The following TNPO2 variants were observed in gnomAD, a reference collection of about 807,000 sequenced individuals.
TNPO2 encodes the protein transportin-2.
Under a neutral mutation model 111.1 loss-of-function variants are expected in TNPO2, and 16 were observed. The ratio of observed to expected loss-of-function variants is 0.14; its 90% CI spans 0.10 to 0.22. The LOEUF (loss-of-function observed/expected upper bound fraction) is 0.22. Among genes scored for constraint, TNPO2 ranks in the 10% least tolerant of loss-of-function variants. The probability of loss-of-function intolerance (pLI) is 1.00; values close to 1 mark genes in which losing one functional copy is unlikely to be tolerated. For missense variants in TNPO2, 530 were observed against 1,173.7 expected, an observed-to-expected ratio of 0.45 and a Z score of 8.01; for synonymous variants, 481 against 475.8, an observed-to-expected ratio of 1.01 and a Z score of -0.14.
intron 13 of TNPO2, among the ~76,000 whole-genome samples, chr19:12,710,242 T>C (rs1364424273): frequency 6.6e-6 from 1 of 152,184 alleles, no homozygotes; most frequent in African/African-American, 2.4e-5. Context: ...TCAATCTTTC[T>C]GTACCTCAGT....
At chr19:12,713,945 G>C (rs1172118515) in intron 10 of TNPO2, among the ~76,000 whole-genome samples, 3 of 151,966 alleles carry the variant, frequency 2.0e-5, no homozygotes, top group African/African-American at 7.3e-5. Context: ...TAGGAGGATT[G>C]CTTCAGCTGG....
chr19:12,711,530 A>G (rs942667693), intron 11 of TNPO2, 23 bp downstream of exon 11: 2 of 1,613,768 alleles, frequency 1.2e-6, no homozygotes, highest in African/African-American at 2.7e-5. Flanking sequence ...ATGCCCACCC[A>G]TGCTGGGTGG....
Position 12,705,919 on chromosome 19 carries a change from ATTC to A in TNPO2, c.1669-154_1669-152del. On this transcript the variant is annotated intron_variant, in intron 15 of 25. Coordinates refer to ENST00000425528, the MANE Select transcript of TNPO2 (RefSeq NM_001382241.1). This position sits in a 1 kb window ranked among gnomAD's most constrained non-coding sequence, Gnocchi z 7.2. ...CATCTGGCCAGACCTCGAGGCCTTC[ATTC>A]TTCTCACCTGTCCAAGCACCGCCCG... is the stretch of plus-strand genomic sequence containing the variant. 1 of 700,042 alleles carries A rather than the reference ATTC, an allele frequency of 1.4e-6. No homozygotes were observed. Among genetic ancestry groups the A allele is most frequent in the South Asian group, 2.0e-5 (1 of 50,576 alleles). The allele number at this position is 700,042 out of a possible 1,614,324, so 43.4% of individuals were successfully genotyped here.
At chr19:12,703,013 A>T (rs1599405968) in intron 20 of TNPO2, 95 bp from the exon 21 acceptor site, 1 of 1,101,992 alleles carries the variant, frequency 9.1e-7, no homozygotes, top group Non-Finnish European at 1.3e-6. Flanking sequence ...CCCAGTTCCA[A>T]CTAGAGACTG....
Position 12,705,406 on chromosome 19 carries a change from C to T in TNPO2, c.1864-8G>A. ...AGGGTGCTGGGTGTACATCTAGACA[C>T]AGATGCCGACAGGGGCACGGGTAAG... On this transcript the variant is annotated splice_polypyrimidine_tract_variant and splice_region_variant and intron_variant, in intron 17 of 25. Coordinates refer to ENST00000425528, the MANE Select transcript of TNPO2 (RefSeq NM_001382241.1). The surrounding 1 kb of genome is among the most constrained non-coding windows in gnomAD (Gnocchi z 7.2). 2 of 1,579,214 alleles carry T rather than the reference C, an allele frequency of 1.3e-6. No homozygotes were observed. Among genetic ancestry groups the T allele is most frequent in the Non-Finnish European group, 1.7e-6 (2 of 1,162,810 alleles).
rs923175193 is a variant in TNPO2, at chr19:12,699,621, T to C, written c.*1643A>G. ...CCCAGCAGAGGATGCTTCAAAGAACTGGAATTACCAGAAAATTAAAAGGTA... is the reference window on the plus strand; with the variant it reads ...CCCAGCAGAGGATGCTTCAAAGAACCGGAATTACCAGAAAATTAAAAGGTA... On this transcript the variant is annotated 3_prime_UTR_variant, in exon 26 of 26. Coordinates refer to ENST00000425528, the MANE Select transcript of TNPO2 (RefSeq NM_001382241.1). The C allele has an allele frequency of 6.6e-6, 1 of 151,596 alleles. No individual in the cohort carries two copies. Among genetic ancestry groups the C allele is most frequent in the African/African-American group, 2.4e-5 (1 of 41,232 alleles). 9.4% of individuals were successfully genotyped at this position (151,596 alleles called of 1,614,324 possible).
rs914162524 is a variant in TNPO2 at position 12,703,936 on chromosome 19, C to T, written c.2023-135G>A. Reference sequence around the variant, plus strand: ...AGAGCTCCTAGCTGTTCCTTAACCTCCCTAGCCTCCAGCCCACATCTGCAA... The same window carrying T: ...AGAGCTCCTAGCTGTTCCTTAACCTTCCTAGCCTCCAGCCCACATCTGCAA... On this transcript the variant is annotated intron_variant, in intron 18 of 25. Coordinates refer to ENST00000425528, the MANE Select transcript of TNPO2 (RefSeq NM_001382241.1). The T allele has an allele frequency of 8.1e-6, 6 of 737,720 alleles. No individual in the cohort carries two copies. In the East Asian group the frequency reaches 1.6e-4, roughly 20 times the overall value. 45.7% of individuals were successfully genotyped at this position (737,720 alleles called of 1,614,324 possible).
At chr19:12,707,637 C>T (rs1412458116) in intron 13 of TNPO2, among the ~76,000 whole-genome samples, 5 of 149,008 alleles carry the variant, frequency 3.4e-5, no homozygotes, top group African/African-American at 9.9e-5. Flanking sequence ...TGCAGGCGCC[C>T]GCCACCATAC....
chr19:12,700,859 C>T lies in TNPO2; in HGVS notation c.*405G>A, dbSNP rs566025726. ...GCACATGCGTGTGGCCATGTGTGTC[C>T]GTGTGAGTGTACGCGTCCCTACGAG... On this transcript the variant is annotated 3_prime_UTR_variant, in exon 26 of 26. Coordinates refer to ENST00000425528, the MANE Select transcript of TNPO2 (RefSeq NM_001382241.1). 79 of 163,078 alleles carry T rather than the reference C, an allele frequency of 4.8e-4. No individual in the cohort carries two copies. The highest frequency in any genetic ancestry group is 1.8e-3 in the African/African-American group (74 of 41,736). The allele number at this position is 163,078 out of a possible 1,614,324, so 10.1% of individuals were successfully genotyped here. A position where few individuals can be genotyped will look rare whatever the true frequency, so the allele number is the denominator to read the frequency against.
At chr19:12,718,352 A>C (rs1333725306) in intron 5 of TNPO2, among the ~76,000 whole-genome samples, 1 of 152,142 alleles carries the variant, frequency 6.6e-6, no homozygotes, top group Non-Finnish European at 1.5e-5. Context: ...TTTTTAGTAG[A>C]GATGGGGTTT....
At position 12,715,796 on chromosome 19, in the gene TNPO2, C is replaced by A. The variant is rs528972237; in HGVS notation, c.326-57G>T. The A allele has an allele frequency of 4.6e-5, 64 of 1,386,602 alleles. No homozygotes were observed. In the East Asian group the frequency reaches 1.5e-3, roughly 33 times the overall value. The allele number at this position is 1,386,602 out of a possible 1,614,324, so 85.9% of individuals were successfully genotyped here. A position where few individuals can be genotyped will look rare whatever the true frequency, so the allele number is the denominator to read the frequency against. ...GCTGGGCAGGGGCTGCCTAGCACCT[C>A]CCCCTCCCACTGGACACCCCCAGTG... On this transcript the variant is annotated intron_variant, in intron 5 of 25. Coordinates refer to ENST00000425528, the MANE Select transcript of TNPO2 (RefSeq NM_001382241.1). The surrounding 1 kb of genome is among the most constrained non-coding windows in gnomAD (Gnocchi z 7.1).
chr19:12,710,916 C>T lies in TNPO2; in HGVS notation c.1118-143G>A, dbSNP rs114063676. 1,674 of 980,608 alleles carry T rather than the reference C, an allele frequency of 1.7e-3. 25 individuals carry two copies. In the African/African-American group the frequency reaches 0.025, roughly 15 times the overall value. The allele number at this position is 980,608 out of a possible 1,614,324, so 60.7% of individuals were successfully genotyped here. A position where few individuals can be genotyped will look rare whatever the true frequency, so the allele number is the denominator to read the frequency against. ...TTTTTTTTGTTTTGTTTTTTTGAGA[C>T]GGAGTCTCACTTTTTCCGCCCAGGC... On this transcript the variant is annotated intron_variant, in intron 12 of 25. Coordinates refer to ENST00000425528, the MANE Select transcript of TNPO2 (RefSeq NM_001382241.1).
Position 12,702,814 on chromosome 19 carries a change from G to A in TNPO2, c.2305+9C>T. 1 of 1,613,444 alleles carries A rather than the reference G, an allele frequency of 6.2e-7. No homozygotes were observed. The highest frequency in any genetic ancestry group is 1.1e-5 in the South Asian group (1 of 91,072). On this transcript the variant is annotated intron_variant, in intron 21 of 25. Coordinates refer to ENST00000425528, the MANE Select transcript of TNPO2 (RefSeq NM_001382241.1). This position sits in a 1 kb window ranked among gnomAD's most constrained non-coding sequence, Gnocchi z 5.5. ...AGGGGTGCAGGCAGCAGCCGGGCCA[G>A]GTGCCCACCTGTGTTTTCCAGCAGT...
rs561340200 is a variant in TNPO2 at position 12,701,755 on chromosome 19, C to T, written c.2508G>A (p.Val836=). The change falls in exon 23 of 26, where the codon GTG becomes GTA. Residue 836 remains valine, a synonymous_variant. Transcript: ENST00000425528. The surrounding 1 kb of genome is among the most constrained non-coding windows in gnomAD (Gnocchi z 5.0). ...CTCAGAGCCCAGCTGCCCCAACCTG[C>T]ACAACGCCCCCCGGGTTGACACCGA... ...MMIGVNPGGV[V]QDFIFFCDAV... is the part of the protein sequence containing the mutation. The T allele has an allele frequency of 2.1e-5, 34 of 1,613,802 alleles. No individual in the cohort carries two copies. Among genetic ancestry groups the T allele is most frequent in the Non-Finnish European group, 2.9e-5 (34 of 1,179,812 alleles).
In TNPO2 at chr19:12,715,194, G is replaced by A; in HGVS notation, c.649-25C>T. The A allele has an allele frequency of 6.2e-7, 1 of 1,613,750 alleles. No homozygotes were observed. The highest frequency in any genetic ancestry group is 1.1e-5 in the South Asian group (1 of 91,048). On this transcript the variant is annotated intron_variant, in intron 8 of 25. Transcript: ENST00000425528. The surrounding 1 kb of genome is among the most constrained non-coding windows in gnomAD (Gnocchi z 7.1). ...GCTGCAGGGAGGAACAGGGTCAGTT[G>A]TAGGGGCCCTCAGTCCTCGCCCTGC... is the stretch of plus-strand genomic sequence containing the variant.
chr19:12,701,145 C>G lies in TNPO2; in HGVS notation c.*119G>C. The G allele has an allele frequency of 1.9e-6, 1 of 525,038 alleles. No individual in the cohort carries two copies. Among genetic ancestry groups the G allele is most frequent in the East Asian group, 3.1e-5 (1 of 32,612 alleles). 32.5% of individuals were successfully genotyped at this position (525,038 alleles called of 1,614,324 possible). A position where few individuals can be genotyped will look rare whatever the true frequency, so the allele number is the denominator to read the frequency against. ...ACGGGGAAGGCATCTGGATTTGAGTCCCACTCACTCCTCCCTAACCCCCCT... is the reference window on the plus strand; with the variant it reads ...ACGGGGAAGGCATCTGGATTTGAGTGCCACTCACTCCTCCCTAACCCCCCT... On this transcript the variant is annotated 3_prime_UTR_variant, in exon 26 of 26. Transcript: ENST00000425528. The surrounding 1 kb of genome is among the most constrained non-coding windows in gnomAD (Gnocchi z 5.0).
intron 2 of TNPO2, 81 bp downstream of exon 2, chr19:12,723,167 AG>A (rs1463992534): frequency 6.6e-6 from 1 of 152,228 alleles, no homozygotes; most frequent in Admixed American, 6.5e-5. Flanking sequence ...GAGATGAAAA[AG>A]CCACAAGGAT....
chr19:12,715,681 C>G lies in TNPO2; in HGVS notation c.384G>C (p.Leu128=), dbSNP rs764051842. 2.5e-6 allele frequency: 4 copies of G among 1,613,694 alleles called. No individual in the cohort carries two copies. In the South Asian group the frequency reaches 4.4e-5, roughly 18 times the overall value. Residue 128 remains leucine, a synonymous_variant, in exon 6 of 26, where the codon CTG becomes CTC. Transcript: ENST00000425528. This position sits in a 1 kb window ranked among gnomAD's most constrained non-coding sequence, Gnocchi z 7.1. The part of the protein sequence containing the change: ...KGELQMWPEL[L]PQLCNLLNSE... ...AGTTAAGCAGGTTGCAGAGCTGGGG[C>G]AGCAGCTCGGGCCACATCTGCAGCT...
chr19:12,721,009 G>C lies in TNPO2; in HGVS notation c.-13-19C>G. 1 of 1,548,464 alleles carries C rather than the reference G, an allele frequency of 6.5e-7. No individual in the cohort carries two copies. Among genetic ancestry groups the C allele is most frequent in the Non-Finnish European group, 8.7e-7 (1 of 1,151,558 alleles). On this transcript the variant is annotated intron_variant, in intron 2 of 25. Transcript: ENST00000425528. The surrounding 1 kb of genome is among the most constrained non-coding windows in gnomAD (Gnocchi z 4.9). ...AGGCAAGCTGCGGAGGTAGGGGCCG[G>C]GGTCAGCGCTGGGTCTCTGGGGCTC...
Sources: gnomAD v4.1 joint callset for allele counts (sites outside exome capture counted in the v4.1 genomes callset) on GRCh38, gnomAD v4.1.1 for gene constraint, Gnocchi (gnomAD v3.1) non-coding constraint, MANE v1.5 for transcripts, NCBI Gene and HGNC (gene_info 2026-07-23, HGNC 2026-07-21) for gene names.